MYO5A: variants seen among roughly 807,000 people sequenced by gnomAD.
The protein encoded by MYO5A is myosin VA.
In MYO5A, 98 loss-of-function variants were observed where a neutral mutation model predicts 249.7. That is an observed-to-expected ratio of 0.39 (90% CI 0.33 to 0.46). MYO5A has a LOEUF of 0.46. Among genes scored for constraint, MYO5A ranks in the 20% least tolerant of loss-of-function variants. The pLI is 0.98. For missense variants in MYO5A, 1,696 were observed against 2,308.8 expected (o/e 0.73, Z 5.44); for synonymous variants, 778 against 810.6 (o/e 0.96, Z 0.68).
At chr15:52,484,687 C>G (rs138522006) in intron 1 of MYO5A, among the ~76,000 whole-genome samples, 18 of 152,228 alleles carry the variant, frequency 1.2e-4, no homozygotes, top group African/African-American at 3.9e-4. Context: ...CTCTGTCCCC[C>G]AGGCTGGAGT....
intron 19 of MYO5A, 96 bp downstream of exon 19, chr15:52,376,251 G>A (rs914889857): frequency 9.0e-7 from 1 of 1,111,472 alleles, no homozygotes; most frequent in Non-Finnish European, 1.3e-6. Flanking sequence ...AAGAAAAGGT[G>A]AGGTGTTATC....
In MYO5A at chr15:52,318,989, A is replaced by G. The variant is rs540042419; in HGVS notation, c.5234+71T>C. The G allele has an allele frequency of 2.6e-6, 4 of 1,562,754 alleles. No individual in the cohort carries two copies. In the African/African-American group the frequency reaches 5.4e-5, roughly 21 times the overall value. ...ATGCAAGAACTGAAAACAAGTCATC[A>G]GCTCTCCACAACCCTGGCAGGCCAG... On this transcript the variant is annotated intron_variant, in intron 39 of 41. Transcript: ENST00000399233.
chr15:52,502,367 T>A (rs1192990727), intron 1 of MYO5A, among the ~76,000 whole-genome samples: 2 of 152,208 alleles, frequency 1.3e-5, no homozygotes, highest in East Asian at 3.8e-4. Context: ...AGATCAGAAG[T>A]ACTTCAGGGT....
At chr15:52,406,144 T>C (rs1326285646) in intron 8 of MYO5A, among the ~76,000 whole-genome samples, 1 of 152,142 alleles carries the variant, frequency 6.6e-6, no homozygotes, top group Non-Finnish European at 1.5e-5. Flanking sequence ...CTCCAGAAAA[T>C]TAGCTATAAT....
chr15:52,338,588 T>C (rs540796091), intron 32 of MYO5A, among the ~76,000 whole-genome samples: 2 of 152,328 alleles, frequency 1.3e-5, no homozygotes, highest in East Asian at 3.9e-4. Context: ...CCTGTACTTA[T>C]GTTTGAATCC....
At chr15:52,353,718 C>G in intron 26 of MYO5A, 60 bp from the exon 27 acceptor site, 1 of 1,588,072 alleles carries the variant, frequency 6.3e-7, no homozygotes. Flanking sequence ...AAAATATTTA[C>G]TTGCTCTACC....
At chr15:52,449,900 C>A (rs1253438175) in intron 1 of MYO5A, among the ~76,000 whole-genome samples, 1 of 152,098 alleles carries the variant, frequency 6.6e-6, no homozygotes, top group Non-Finnish European at 1.5e-5. Context: ...ACTTAGAAAG[C>A]TGAGGTTGGG....
chr15:52,416,342 G>A, intron 4 of MYO5A, 41 bp from the exon 5 acceptor site: 2 of 1,588,064 alleles, frequency 1.3e-6, no homozygotes, highest in Non-Finnish European at 1.7e-6. Flanking sequence ...TGCCATTGCT[G>A]CCTATAGCAG....
At chr15:52,398,999 A>AC (rs1555443608) in intron 9 of MYO5A, among the ~76,000 whole-genome samples, 4 of 142,316 alleles carry the variant, frequency 2.8e-5, no homozygotes, top group African/African-American at 1.1e-4. Context: ...AAAAAAAAAA[A>AC]TTTTTTTCTT....
At chr15:52,477,587 T>C (rs1251717749) in intron 1 of MYO5A, among the ~76,000 whole-genome samples, 4 of 152,232 alleles carry the variant, frequency 2.6e-5, no homozygotes, top group South Asian at 4.1e-4. Context: ...AGATGGGATT[T>C]TGGTGTGGAT....
chr15:52,323,699 T>C, intron 36 of MYO5A: 1 of 389,758 alleles, frequency 2.6e-6, no homozygotes, highest in South Asian at 2.2e-5. Flanking sequence ...TAGCTGCTCC[T>C]TTAAGCAGAA....
intron 21 of MYO5A, among the ~76,000 whole-genome samples, 170 bp downstream of exon 21, chr15:52,371,954 C>T (rs1158970987): frequency 6.6e-6 from 1 of 151,224 alleles, no homozygotes; most frequent in Non-Finnish European, 1.5e-5. Context: ...AATTGTGATC[C>T]ACCTTATGAG....
chr15:52,479,198 G>A (rs1192183981), intron 1 of MYO5A, among the ~76,000 whole-genome samples: 6 of 151,870 alleles, frequency 4.0e-5, no homozygotes, highest in African/African-American at 1.5e-4. Context: ...GGCTGGTCTC[G>A]AATGCCTGAC....
At chr15:52,489,024 C>T (rs2076881358) in intron 1 of MYO5A, among the ~76,000 whole-genome samples, 2 of 152,114 alleles carry the variant, frequency 1.3e-5, no homozygotes, top group South Asian at 2.1e-4. Flanking sequence ...TTCTACATGG[C>T]GTGTACATGC....
chr15:52,460,596 G>C (rs1457459743), intron 1 of MYO5A, among the ~76,000 whole-genome samples: 3 of 152,256 alleles, frequency 2.0e-5, no homozygotes, highest in African/African-American at 7.2e-5. Flanking sequence ...GATGGCGGCA[G>C]TACAGTCCAG....
chr15:52,504,678 G>A (rs7166982), intron 1 of MYO5A, among the ~76,000 whole-genome samples: 1 of 152,106 alleles, frequency 6.6e-6, no homozygotes, highest in African/African-American at 2.4e-5. Context: ...AAGGCGGGTG[G>A]ATCGCGAGGT....
At chr15:52,347,661 C>T (rs1358061514) in intron 29 of MYO5A, among the ~76,000 whole-genome samples, 1 of 152,146 alleles carries the variant, frequency 6.6e-6, no homozygotes, top group Non-Finnish European at 1.5e-5. Context: ...AAAAATACCA[C>T]TTTTCTCTTA....
chr15:52,380,944 C>A (rs868427411), intron 16 of MYO5A, among the ~76,000 whole-genome samples: 1 of 152,126 alleles, frequency 6.6e-6, no homozygotes, highest in Non-Finnish European at 1.5e-5. Flanking sequence ...ATGCCCCATA[C>A]GGTTATATTT....
At chr15:52,385,739 G>T in intron 14 of MYO5A, among the ~76,000 whole-genome samples, 1 of 152,056 alleles carries the variant, frequency 6.6e-6, no homozygotes, top group East Asian at 1.9e-4. Flanking sequence ...ACTTCCAAGA[G>T]AACACATTTA....
Sources: allele counts gnomAD v4.1 joint callset (sites outside exome capture counted in the v4.1 genomes callset), GRCh38; gene constraint gnomAD v4.1.1; transcripts MANE v1.5; gene names NCBI Gene and HGNC (gene_info 2026-07-23, HGNC 2026-07-21).